Variants in ARMH3 observed in about 807,000 individuals in gnomAD.
ARMH3 encodes armadillo like helical domain containing 3.
A neutral mutation model predicts 99.1 loss-of-function variants in ARMH3; 60 were observed. The observed-to-expected ratio is 0.61, with a 90% CI of 0.49 to 0.75. ARMH3 has a LOEUF of 0.75. Ranked by LOEUF, ARMH3 falls within the 30% of genes least tolerant of loss-of-function variation. ARMH3 has a pLI of 0.00. For synonymous variants in ARMH3, 285 were observed against 292.8 expected (o/e 0.97, Z 0.27); for missense variants, 679 against 843.1 (o/e 0.81, Z 2.41).
chr10:101,867,839 A>C (rs1057189508), intron 24 of ARMH3, among the ~76,000 whole-genome samples: 5 of 151,990 alleles, frequency 3.3e-5, no homozygotes, highest in Non-Finnish European at 5.9e-5. Flanking sequence ...CCCAAAAAAA[A>C]AAGAAAAAGC....
intron 1 of ARMH3, among the ~76,000 whole-genome samples, chr10:102,045,795 T>C (rs1282442486): frequency 6.6e-6 from 1 of 152,114 alleles, no homozygotes. Context: ...GTAAGTTACA[T>C]AGAAAATATT....
chr10:102,037,832 A>G (rs1167235496), intron 2 of ARMH3, among the ~76,000 whole-genome samples: 3 of 151,946 alleles, frequency 2.0e-5, no homozygotes, highest in Admixed American at 2.0e-4. Flanking sequence ...CAAGCAATCC[A>G]TGCACCTCAG....
At chr10:101,925,215 G>A (rs980575104) in intron 23 of ARMH3, among the ~76,000 whole-genome samples, 1 of 152,144 alleles carries the variant, frequency 6.6e-6, no homozygotes, top group African/African-American at 2.4e-5. Flanking sequence ...ATTGGAGGCT[G>A]CAAATAAAAT....
intron 17 of ARMH3, 88 bp from the exon 18 acceptor site, chr10:101,992,126 A>C: frequency 9.2e-7 from 1 of 1,087,820 alleles, no homozygotes; most frequent in Non-Finnish European, 1.4e-6. Context: ...GTGCAAATAA[A>C]ATCACTATTA....
chr10:102,036,168 T>G (rs1368943533), intron 2 of ARMH3, among the ~76,000 whole-genome samples: 25 of 93,640 alleles, frequency 2.7e-4, no homozygotes, highest in South Asian at 3.6e-4. Context: ...AGGTGGGGGG[T>G]CAGCCCCCGC....
At chr10:101,851,434 A>G (rs61874116) in intron 24 of ARMH3, among the ~76,000 whole-genome samples, 16,173 of 152,146 alleles carry the variant, frequency 0.11, 944 homozygotes, top group Non-Finnish European at 0.11. Context: ...CTATGGCATC[A>G]TGGAGAGCTC....
intron 24 of ARMH3, among the ~76,000 whole-genome samples, chr10:101,886,009 A>G (rs1387148751): frequency 2.6e-5 from 4 of 151,900 alleles, no homozygotes; most frequent in Admixed American, 2.0e-4. Flanking sequence ...GTGAGCCAAG[A>G]TCGCGCCATT....
chr10:101,941,809 G>A (rs988907505), intron 22 of ARMH3, among the ~76,000 whole-genome samples: 10 of 152,088 alleles, frequency 6.6e-5, no homozygotes, highest in Non-Finnish European at 1.5e-4. Context: ...TACATTTATT[G>A]TTCAACTCAA....
At chr10:101,985,676 T>C (rs1483289952) in intron 19 of ARMH3, among the ~76,000 whole-genome samples, 1 of 152,010 alleles carries the variant, frequency 6.6e-6, no homozygotes, top group Admixed American at 6.6e-5. Flanking sequence ...ATCGTGCCAC[T>C]GCATTACATC....
chr10:101,899,900 T>C (rs780675543), intron 23 of ARMH3, among the ~76,000 whole-genome samples: 1 of 152,146 alleles, frequency 6.6e-6, no homozygotes, highest in African/African-American at 2.4e-5. Flanking sequence ...GCAAGAAGGA[T>C]AAACTACTGA....
intron 1 of ARMH3, among the ~76,000 whole-genome samples, chr10:102,043,762 C>T (rs1289084735): frequency 4.6e-4 from 70 of 152,198 alleles, no homozygotes; most frequent in Admixed American, 4.6e-3. Context: ...AATCAGGCAA[C>T]TTTTCAATAC....
In ARMH3 at chr10:101,995,342, A is replaced by T. The variant is rs565739314; in HGVS notation, c.1164T>A (p.Leu388=). 1 of 1,613,902 alleles carries T rather than the reference A, an allele frequency of 6.2e-7. No homozygotes were observed. The highest frequency in any genetic ancestry group is 8.5e-7 in the Non-Finnish European group (1 of 1,179,796). Residue 388 remains leucine (L), a synonymous_variant, in exon 16 of 26, where the codon CTT becomes CTA. Transcript: ENST00000370033. ...VMQDTKDEHR[L]HSGKLCLIIL... The stretch of plus-strand genomic sequence containing the variant: ...TAATCAGACAGAGTTTGCCACTGTG[A>T]AGCCTGTGTTCATCTGTAAAGAAAA...
rs2067231264 is a variant in ARMH3, at chr10:102,035,422, C to CCTCTCT, written c.103-2089_103-2084dup. Among the ~76,000 whole-genome samples the CCTCTCT allele has an allele frequency of 5.3e-5, 8 of 152,278 alleles. No homozygotes were observed. In the South Asian group the frequency reaches 1.7e-3, roughly 32 times the overall value. ...TCCCTCTCCCCACGGTCTCCCTCTC[C>CCTCTCT]CTCTCTTTCCACAGTCTCCCTCTGA... On this transcript the variant is annotated intron_variant, in intron 2 of 25. Transcript: ENST00000370033.
Position 102,025,171 on chromosome 10 carries a change from G to T in ARMH3, c.492C>A (p.Leu164=). 1 of 1,613,360 alleles carries T rather than the reference G, an allele frequency of 6.2e-7. No individual in the cohort carries two copies. Among genetic ancestry groups the T allele is most frequent in the Non-Finnish European group, 8.5e-7 (1 of 1,179,530 alleles). The change falls in exon 6 of 26, where the codon CTC becomes CTA. Residue 164 remains leucine, a synonymous_variant. Transcript: ENST00000370033. ...GGTCACTTACGGTCACTAAGCAAAGGAGAAGTTTCAGACATAAACTCTTCA... is the reference window on the plus strand; with the variant it reads ...GGTCACTTACGGTCACTAAGCAAAGTAGAAGTTTCAGACATAAACTCTTCA... ...ESLKSLCLKL[L]LCLVTVTDNI...
intron 23 of ARMH3, among the ~76,000 whole-genome samples, chr10:101,912,468 T>C (rs1445983303): frequency 6.6e-6 from 1 of 151,130 alleles, no homozygotes; most frequent in East Asian, 1.9e-4. Context: ...TTCATGATAC[T>C]AAAAAAGAGA....
intron 22 of ARMH3, among the ~76,000 whole-genome samples, chr10:101,954,609 T>C (rs12241481): frequency 6.6e-6 from 1 of 152,198 alleles, no homozygotes; most frequent in Non-Finnish European, 1.5e-5. Context: ...ATTACACTAC[T>C]ATATAAATTT....
intron 19 of ARMH3, among the ~76,000 whole-genome samples, chr10:101,982,859 T>C (rs1846295045): frequency 6.6e-6 from 1 of 152,110 alleles, no homozygotes; most frequent in Non-Finnish European, 1.5e-5. Flanking sequence ...TATGGTGAGT[T>C]ACAGAATTAT....
In ARMH3 at chr10:101,849,885, T is replaced by A; in HGVS notation, c.1868A>T (p.Glu623Val). 6.2e-7 allele frequency: 1 copy of A among 1,613,898 alleles called. No individual in the cohort carries two copies. The highest frequency in any genetic ancestry group is 1.3e-5 in the African/African-American group (1 of 75,022). Residue 623 changes from glutamate to valine, a missense_variant, in exon 25 of 26, where the codon GAG becomes GTG. This residue lies in a region of ARMH3 where 389 missense variants were observed against 456.5 expected (regional missense o/e 0.85). Transcript: ENST00000370033. The stretch of plus-strand genomic sequence containing the variant: ...CGTGTCATAGTTGGCTCTCACCACC[T>A]CCAGCACCTGGAGGACATCAAGGGC... ...ISQLSEEQVL[E>V]VVRANYDTLT...
intron 22 of ARMH3, among the ~76,000 whole-genome samples, chr10:101,945,791 T>A (rs1844491035): frequency 6.7e-6 from 1 of 150,084 alleles, no homozygotes; most frequent in Non-Finnish European, 1.5e-5. Flanking sequence ...ATTAAAAATG[T>A]CCAGGAGGAG....
Sources: allele counts gnomAD v4.1 joint callset (sites outside exome capture counted in the v4.1 genomes callset), GRCh38; gene constraint gnomAD v4.1.1; regional missense constraint gnomAD v4.1.1; transcripts MANE v1.5; gene names NCBI Gene and HGNC (gene_info 2026-07-23, HGNC 2026-07-21).